Variants in IGF2R observed in about 807,000 individuals in gnomAD.
The protein encoded by IGF2R is insulin like growth factor 2 receptor.
In IGF2R, 91 loss-of-function variants were observed where a neutral mutation model predicts 270.6. The observed-to-expected ratio is 0.34, with a 90% confidence interval of 0.28 to 0.40. The LOEUF is 0.40. IGF2R is among the 10% of genes least tolerant of loss of function. The pLI is 1.00. For missense variants in IGF2R, 2,805 were observed against 3,188.3 expected (o/e 0.88, Z 2.90); for synonymous variants, 1,316 against 1,258.9 (o/e 1.05, Z -0.96).
In IGF2R at chr6:159,991,156, T is replaced by G. The variant is rs8191703; in HGVS notation, c.150-28T>G. 2.6e-3 allele frequency: 4,074 copies of G among 1,584,690 alleles called. 97 individuals carry two copies. The African/African-American group carries it at 0.049, about 19-fold the overall frequency. On this transcript the variant is annotated intron_variant, in intron 1 of 47. Coordinates refer to ENST00000356956, the MANE Select transcript of IGF2R (RefSeq NM_000876.4). ...TTTAATTTTTGATAAATCAGTGACA[T>G]TGACAAGTTGTTTTTCTTCCTTTCC...
rs373029226 is a variant in IGF2R, at chr6:160,083,962, G to A, written c.5846G>A (p.Arg1949Gln). ...CTACACTCCCCAGCAAACAGCTACCGGACATCCAGCATCATATTTAAGTGT... is the reference window on the plus strand; with the variant it reads ...CTACACTCCCCAGCAAACAGCTACCAGACATCCAGCATCATATTTAAGTGT... ...WGFCRHSNSY[R>Q]TSSIIFKCDE... is the part of the protein sequence containing the mutation. The change falls in exon 40 of 48, where the codon CGG (arginine) becomes CAG (glutamine). Residue 1949 changes from arginine (R) to glutamine (Q), a missense_variant. Physicochemically the swap from Arg to Gln is conservative, Grantham distance 43. Coordinates refer to ENST00000356956, the MANE Select transcript of IGF2R (RefSeq NM_000876.4). The A allele has an allele frequency of 1.1e-5, 17 of 1,613,106 alleles. No homozygotes were observed. The highest frequency in any genetic ancestry group is 1.1e-5 in the South Asian group (1 of 91,050).
chr6:160,029,274 C>G (rs1251508275), intron 6 of IGF2R, among the ~76,000 whole-genome samples: 1 of 152,192 alleles, frequency 6.6e-6, no homozygotes, highest in Non-Finnish European at 1.5e-5. Context: ...GCCATCGCAC[C>G]CAGCCAGGTT....
chr6:160,068,498 T>C (rs552508045), intron 30 of IGF2R, 113 bp downstream of exon 30: 3 of 1,500,118 alleles, frequency 2.0e-6, no homozygotes, highest in Middle Eastern at 2.5e-4. Flanking sequence ...TATCACAGGC[T>C]GGCACTGGTG....
intron 4 of IGF2R, among the ~76,000 whole-genome samples, chr6:160,015,271 T>C (rs1777258554): frequency 6.6e-6 from 1 of 152,226 alleles, no homozygotes; most frequent in Admixed American, 6.5e-5. Context: ...TACTTTGAAA[T>C]GATTTCAGAG....
intron 29 of IGF2R, among the ~76,000 whole-genome samples, 178 bp from the exon 30 acceptor site, chr6:160,068,065 GGTGTGT>G (rs879058804): frequency 0.015 from 1,135 of 77,458 alleles, 12 homozygotes; most frequent in African/African-American, 0.037. Flanking sequence ...TCTGATGGGG[GGTGTGT>G]GTGTGTGTGT....
In IGF2R at chr6:160,107,670, A is replaced by C. The variant is rs1010550775; in HGVS notation, c.*2586A>C. The C allele has an allele frequency of 7.2e-5, 11 of 152,330 alleles. No homozygotes were observed. Among genetic ancestry groups the C allele is most frequent in the African/African-American group, 2.4e-4 (10 of 41,580 alleles). 9.4% of individuals were successfully genotyped at this position (152,330 alleles called of 1,614,324 possible). A position where few individuals can be genotyped will look rare whatever the true frequency, so the allele number is the denominator to read the frequency against. ...TAAGAACTGGGGTGCTAAAGATGGA[A>C]TAGGCAAACCCCACACCAAGGAAAT... On this transcript the variant is annotated 3_prime_UTR_variant, in exon 48 of 48. Transcript: ENST00000356956.
chr6:159,975,471 AC>A (rs1418138629), intron 1 of IGF2R, among the ~76,000 whole-genome samples: 1 of 151,782 alleles, frequency 6.6e-6, no homozygotes, highest in Non-Finnish European at 1.5e-5. Flanking sequence ...ATAGGGTGGG[AC>A]CCTCACTGGG....
In IGF2R at chr6:160,096,812, A is replaced by G. The variant is rs8191934; in HGVS notation, c.6842+187A>G. ...CTCCGTTGCTTGTCAGCATCCTGCC[A>G]CTGATTTTTGGTCCATGGCTGCGTC... is the stretch of plus-strand genomic sequence containing the variant. On this transcript the variant is annotated intron_variant, in intron 45 of 47. Coordinates refer to ENST00000356956, the MANE Select transcript of IGF2R (RefSeq NM_000876.4). Among the ~76,000 whole-genome samples the G allele has an allele frequency of 2.2e-3, 338 of 152,306 alleles. 3 individuals are homozygous for G. The highest frequency in any genetic ancestry group is 7.8e-3 in the African/African-American group (323 of 41,574).
intron 1 of IGF2R, among the ~76,000 whole-genome samples, chr6:159,990,133 A>C (rs186626751): frequency 2.6e-5 from 4 of 152,360 alleles, no homozygotes; most frequent in Admixed American, 2.0e-4. Flanking sequence ...TTAATAAAAT[A>C]GAGTTAAAAA....
intron 1 of IGF2R, among the ~76,000 whole-genome samples, chr6:159,988,512 C>CA (rs59531292): frequency 0.042 from 2,114 of 49,744 alleles, 76 homozygotes; most frequent in African/African-American, 0.069. Context: ...GACTCCGTCT[C>CA]AAAAAAAAAA....
chr6:160,056,297 T>C (rs1778315710), intron 19 of IGF2R, 127 bp from the exon 20 acceptor site: 3 of 683,308 alleles, frequency 4.4e-6, no homozygotes, highest in Non-Finnish European at 2.7e-6. Context: ...AGTGCCTAGC[T>C]TATTGGCTGA....
chr6:159,980,139 C>T (rs1055484563), intron 1 of IGF2R, among the ~76,000 whole-genome samples: 8 of 150,506 alleles, frequency 5.3e-5, no homozygotes, highest in African/African-American at 1.7e-4. Flanking sequence ...TGAGATCGCA[C>T]CGCTGCACTC....
chr6:160,064,525 C>T lies in IGF2R; in HGVS notation c.4011C>T (p.Thr1337=). 1 of 1,614,074 alleles carries T rather than the reference C, an allele frequency of 6.2e-7. No homozygotes were observed. The highest frequency in any genetic ancestry group is 8.5e-7 in the Non-Finnish European group (1 of 1,179,964). ...TCTTCTTCTACTGTGACCGCGGCAC[C>T]CAGCGGGTGAGCATGTACCGACGGC... ...TAIFFYCDRG[T]QRPVFLKETS... is the part of the protein sequence containing the mutation. Residue 1337 remains threonine (T), a synonymous_variant, in exon 28 of 48, where the codon ACC becomes ACT. Coordinates refer to ENST00000356956, the MANE Select transcript of IGF2R (RefSeq NM_000876.4).
At chr6:159,979,792 A>G (rs946163579) in intron 1 of IGF2R, among the ~76,000 whole-genome samples, 3 of 152,186 alleles carry the variant, frequency 2.0e-5, no homozygotes, top group African/African-American at 7.2e-5. Flanking sequence ...GGGAGGGGCC[A>G]GAGAGCACGG....
chr6:160,012,635 C>A (rs1784351861), intron 4 of IGF2R, among the ~76,000 whole-genome samples: 2 of 151,586 alleles, frequency 1.3e-5, no homozygotes, highest in African/African-American at 2.4e-5. Context: ...GATCCAGTCA[C>A]CTCCCCAGGC....
intron 2 of IGF2R, 26 bp from the exon 3 acceptor site, chr6:160,008,984 G>A: frequency 6.2e-7 from 1 of 1,612,334 alleles, no homozygotes; most frequent in Non-Finnish European, 8.5e-7. Context: ...TTTATAGCCT[G>A]TTCACTCTCT....
intron 18 of IGF2R, among the ~76,000 whole-genome samples, chr6:160,049,585 G>A (rs567425824): frequency 1.1e-4 from 17 of 152,180 alleles, no homozygotes; most frequent in African/African-American, 2.4e-4. Flanking sequence ...TGGAACTTCC[G>A]CGCTGCACTG....
chr6:159,976,325 T>A (rs895370604), intron 1 of IGF2R, among the ~76,000 whole-genome samples: 2 of 152,182 alleles, frequency 1.3e-5, no homozygotes, highest in African/African-American at 4.8e-5. Context: ...TCTCATATTT[T>A]TGATACTCTA....
At chr6:159,995,190 T>TA (rs1784033502) in intron 2 of IGF2R, among the ~76,000 whole-genome samples, 5 of 151,982 alleles carry the variant, frequency 3.3e-5, no homozygotes, top group African/African-American at 1.2e-4. Flanking sequence ...TATTTAATGG[T>TA]CTTTTTTTTT....
Sources: gnomAD v4.1 joint callset for allele counts (sites outside exome capture counted in the v4.1 genomes callset) on GRCh38, gnomAD v4.1.1 for gene constraint, MANE v1.5 for transcripts, NCBI Gene and HGNC (gene_info 2026-07-23, HGNC 2026-07-21) for gene names.